Variants in SPTAN1 observed in about 807,000 individuals in gnomAD.
SPTAN1 encodes spectrin alpha chain, non-erythrocytic 1.
SPTAN1 carries 61 observed loss-of-function variants against 331.3 expected under a neutral mutation model. The ratio of observed to expected loss-of-function variants is 0.18; its 90% CI spans 0.15 to 0.23. The LOEUF (loss-of-function observed/expected upper bound fraction) is 0.23, where lower values mean the gene tolerates loss of function less well. Among genes scored for constraint, SPTAN1 ranks in the 10% least tolerant of loss-of-function variants. The pLI, the probability that SPTAN1 is intolerant of heterozygous loss-of-function variation, is 1.00. For synonymous variants in SPTAN1, 1,153 were observed against 1,173.9 expected (o/e 0.98, Z 0.36); for missense variants, 2,043 against 3,147.9 (o/e 0.65, Z 8.40).
At position 128,632,855 on chromosome 9, in the gene SPTAN1, G is replaced by A. The variant is rs1280116999; in HGVS notation, c.7208G>A (p.Arg2403His). ...LQEYMAFMIS[R>H]ETENVKSSEE... Reference sequence around the variant, plus strand: ...GAATACATGGCTTTCATGATCAGCCGCGAAACTGAGAACGTCAAGTCCAGC... The same window carrying A: ...GAATACATGGCTTTCATGATCAGCCACGAAACTGAGAACGTCAAGTCCAGC... The change falls in exon 56 of 57, where the codon CGC becomes CAC. Residue 2403 changes from arginine to histidine, a missense_variant. Physicochemically the swap from Arg to His is conservative, Grantham distance 29. This residue lies in a region of SPTAN1 where 9 missense variants were observed against 35.8 expected (regional missense o/e 0.25). Coordinates refer to ENST00000372739, the MANE Select transcript of SPTAN1 (RefSeq NM_001130438.3). The A allele has an allele frequency of 1.9e-6, 3 of 1,614,070 alleles. No individual in the cohort carries two copies. The highest frequency in any genetic ancestry group is 1.3e-5 in the African/African-American group (1 of 75,056).
intron 51 of SPTAN1, chr9:128,628,411 C>T (rs1859131847): frequency 2.9e-6 from 1 of 349,604 alleles, no homozygotes; most frequent in Non-Finnish European, 5.7e-6. Flanking sequence ...GGCACTGACA[C>T]CCCCTAAGTA....
At chr9:128,623,507 G>T (rs112715602) in intron 45 of SPTAN1, among the ~76,000 whole-genome samples, 1 of 151,754 alleles carries the variant, frequency 6.6e-6, no homozygotes, top group African/African-American at 2.4e-5. Context: ...CCAGGCTGGG[G>T]TGCAGTGGCA....
chr9:128,604,295 G>A, intron 28 of SPTAN1, 31 bp from the exon 29 acceptor site: 2 of 1,607,268 alleles, frequency 1.2e-6, no homozygotes, highest in Non-Finnish European at 1.7e-6. Context: ...GAGAGGGAGT[G>A]CAGTGGAGCT....
chr9:128,585,251 A>G (rs1008924879), intron 18 of SPTAN1, among the ~76,000 whole-genome samples: 1 of 150,566 alleles, frequency 6.6e-6, no homozygotes, highest in Non-Finnish European at 1.5e-5. Flanking sequence ...CTGGTCTTGA[A>G]CTCCTGACCT....
At chr9:128,611,327 G>A (rs999657462) in intron 37 of SPTAN1, among the ~76,000 whole-genome samples, 14 of 152,010 alleles carry the variant, frequency 9.2e-5, no homozygotes, top group East Asian at 7.7e-4. Flanking sequence ...AAAATTAGCT[G>A]GGTGTGATGT....
intron 1 of SPTAN1, chr9:128,555,480 G>A: frequency 8.7e-7 from 1 of 1,145,400 alleles, no homozygotes; most frequent in Non-Finnish European, 1.2e-6. Context: ...TGTCAAAGAG[G>A]TTGAATGATC....
At chr9:128,623,713 A>G (rs1411081214) in intron 45 of SPTAN1, among the ~76,000 whole-genome samples, 1 of 148,606 alleles carries the variant, frequency 6.7e-6, no homozygotes, top group Non-Finnish European at 1.5e-5. Context: ...GCCTCAAATG[A>G]TCTGCCCACC....
At chr9:128,559,601 C>G (rs1849050694) in intron 1 of SPTAN1, among the ~76,000 whole-genome samples, 1 of 152,026 alleles carries the variant, frequency 6.6e-6, no homozygotes, top group South Asian at 2.1e-4. Flanking sequence ...ATTTTGGAAG[C>G]AAACAAATTA....
chr9:128,612,441 G>A (rs1856675532), intron 39 of SPTAN1, among the ~76,000 whole-genome samples, 195 bp downstream of exon 39: 1 of 152,192 alleles, frequency 6.6e-6, no homozygotes. Context: ...GAGCTGACTT[G>A]TAGTGGCACT....
At chr9:128,622,514 G>C (rs1028208798) in intron 45 of SPTAN1, among the ~76,000 whole-genome samples, 1 of 151,720 alleles carries the variant, frequency 6.6e-6, no homozygotes, top group Non-Finnish European at 1.5e-5. Context: ...GGTCAGGCTG[G>C]TCTCGAACTC....
intron 23 of SPTAN1, chr9:128,593,255 T>C (rs1005575018): frequency 9.5e-6 from 6 of 632,768 alleles, no homozygotes; most frequent in Admixed American, 2.1e-5. Context: ...TGCTTCCATG[T>C]GCAGCTGTGT....
Position 128,630,304 on chromosome 9 carries a change from T to C in SPTAN1, c.6708-17T>C, listed in dbSNP as rs1859493742. ...GCTGGGAGCAGGCCCCTTTCCTCAC[T>C]GTCCTTCCACGTTTAGGTCCTGTAT... On this transcript the variant is annotated splice_polypyrimidine_tract_variant and intron_variant, in intron 51 of 56. Coordinates refer to ENST00000372739, the MANE Select transcript of SPTAN1 (RefSeq NM_001130438.3). The C allele has an allele frequency of 1.9e-6, 3 of 1,613,906 alleles. No homozygotes were observed. The highest frequency in any genetic ancestry group is 2.2e-5 in the East Asian group (1 of 44,880).
Position 128,582,845 on chromosome 9 carries a change from A to G in SPTAN1, c.1802A>G (p.Tyr601Cys), listed in dbSNP as rs377378707. ...ATGAAAACTGCCACAGATGAAGCTT[A>G]TAAAGTAATGTACTGTTAGTGTTGC... Reference protein sequence around the residue: ...EKMKTATDEAYKDPSNLQGKV... With the variant: ...EKMKTATDEACKDPSNLQGKV... Residue 601 changes from tyrosine (Y) to cysteine (C), a missense_variant, in exon 14 of 57, where the codon TAT (tyrosine) becomes TGT (cysteine). By Grantham distance (194) the Tyr-to-Cys change is radical. Around this residue, in one of 12 missense-constraint regions of SPTAN1, gnomAD observed 1,038 missense variants for 1,531.5 expected, o/e 0.68. Transcript: ENST00000372739. 6.8e-6 allele frequency: 11 copies of G among 1,612,716 alleles called. No homozygotes were observed. The highest frequency in any genetic ancestry group is 9.3e-6 in the Non-Finnish European group (11 of 1,180,038).
intron 22 of SPTAN1, among the ~76,000 whole-genome samples, chr9:128,591,923 T>A (rs756497209): frequency 7.9e-5 from 12 of 152,258 alleles, no homozygotes; most frequent in Non-Finnish European, 1.3e-4. Flanking sequence ...GATTTTCAGA[T>A]ACTCTACGCC....
At chr9:128,576,250 A>G (rs1389478723) in intron 5 of SPTAN1, among the ~76,000 whole-genome samples, 1 of 152,126 alleles carries the variant, frequency 6.6e-6, no homozygotes, top group Non-Finnish European at 1.5e-5. Context: ...TTTTAAAGAA[A>G]TGTCTCTAAG....
chr9:128,617,720 G>A lies in SPTAN1; in HGVS notation c.5438G>A (p.Arg1813Gln), dbSNP rs760865353. 8 of 1,614,156 alleles carry A rather than the reference G, an allele frequency of 5.0e-6. No homozygotes were observed. The highest frequency in any genetic ancestry group is 1.3e-5 in the African/African-American group (1 of 75,048). The change falls in exon 42 of 57, where the codon CGG (arginine) becomes CAG (glutamine). Residue 1813 changes from arginine (R) to glutamine (Q), a missense_variant. By Grantham distance (43) the Arg-to-Gln change is conservative. Around this residue, in one of 12 missense-constraint regions of SPTAN1, gnomAD observed 323 missense variants for 581.1 expected, o/e 0.56. Transcript: ENST00000372739. ...CAGAACCTGAGGAAGAAGCACAAGC[G>A]GCTGGAAGCAGAACTGGCTGCGCAT... is the stretch of plus-strand genomic sequence containing the variant. Reference protein sequence around the residue: ...GVQNLRKKHKRLEAELAAHEP... With the variant: ...GVQNLRKKHKQLEAELAAHEP...
intron 29 of SPTAN1, 78 bp downstream of exon 29, chr9:128,604,495 T>G: frequency 7.0e-7 from 1 of 1,433,198 alleles, no homozygotes; most frequent in Admixed American, 2.0e-5. Flanking sequence ...GCTTGCTGAC[T>G]GAGATCCTAG....
At chr9:128,613,901 C>T (rs1407330520) in intron 40 of SPTAN1, among the ~76,000 whole-genome samples, 5 of 151,480 alleles carry the variant, frequency 3.3e-5, no homozygotes, top group Admixed American at 1.3e-4. Context: ...GGTACTCAGG[C>T]GACTGAGGTA....
rs2131635862 is a variant in SPTAN1, at chr9:128,609,203, T to C, written c.4677T>C (p.Asp1559=). 6.2e-7 allele frequency: 1 copy of C among 1,614,186 alleles called. No individual in the cohort carries two copies. The highest frequency in any genetic ancestry group is 8.5e-7 in the Non-Finnish European group (1 of 1,180,030). The change falls in exon 36 of 57, where the codon GAT becomes GAC. Residue 1559 remains aspartate (D), a synonymous_variant. Coordinates refer to ENST00000372739, the MANE Select transcript of SPTAN1 (RefSeq NM_001130438.3). ...ESQTLQQFSR[D]VDEIEAWISE... ...AAACCCTCCAACAGTTCAGCCGGGA[T>C]GTGGATGAGATTGAGGCTTGGATCA... is the stretch of plus-strand genomic sequence containing the variant.
Sources: allele counts gnomAD v4.1 joint callset (sites outside exome capture counted in the v4.1 genomes callset), GRCh38; gene constraint gnomAD v4.1.1; regional missense constraint gnomAD v4.1.1; transcripts MANE v1.5; gene names NCBI Gene and HGNC (gene_info 2026-07-23, HGNC 2026-07-21).